DDX11: variants seen among roughly 807,000 people sequenced by gnomAD.
DDX11 encodes the protein ATP-dependent DNA helicase DDX11.
A neutral mutation model predicts 125.2 loss-of-function variants in DDX11; 72 were observed. The ratio of observed to expected loss-of-function variants is 0.58; its 90% CI spans 0.48 to 0.70. The LOEUF is 0.70. DDX11 is among the 30% of genes least tolerant of loss of function. DDX11 has a pLI of 0.00. For synonymous variants in DDX11, 347 were observed against 452.6 expected, an observed-to-expected ratio of 0.77 and a Z score of 2.96; for missense variants, 883 against 1,165.0, an observed-to-expected ratio of 0.76 and a Z score of 3.52.
chr12:31,085,312 C>T (rs543705615), intron 5 of DDX11, among the ~76,000 whole-genome samples, 186 bp downstream of exon 5: 8 of 152,378 alleles, frequency 5.3e-5, no homozygotes, highest in African/African-American at 1.9e-4. Flanking sequence ...AGTCACCGGC[C>T]TGGCCTGTGT....
rs1945610296 is a variant in DDX11, at chr12:31,097,948, TG to T, written c.1828del (p.Val610Ter). Reference protein sequence around the residue: ...LLNPAVHFAQVVKECRAVVIA... With the variant: ...LLNPAVHFAQXVKECRAVVIA... ...AATCCAGCTGTGCACTTTGCCCAAG[TG>T]GTGAAGGAATGCCGGGCAGTGGTCA... On this transcript the variant is annotated frameshift_variant, in exon 18 of 27. Transcript: ENST00000542838. LOFTEE classifies it high-confidence loss of function. The T allele has an allele frequency of 6.2e-7, 1 of 1,613,622 alleles. No individual in the cohort carries two copies. The highest frequency in any genetic ancestry group is 1.3e-5 in the African/African-American group (1 of 74,812).
Position 31,083,932 on chromosome 12 carries a change from A to G in DDX11, c.264A>G (p.Lys88=), listed in dbSNP as rs1942521833. The part of the protein sequence containing the change: ...ETGTGPLHDE[K]DESLCLSSSC... Reference sequence around the variant, plus strand: ...GAACTGGCCCCTTACATGATGAGAAAGATGAATCCCTGTGTCTGTCTTCTT... The same window carrying G: ...GAACTGGCCCCTTACATGATGAGAAGGATGAATCCCTGTGTCTGTCTTCTT... The change falls in exon 3 of 27, where the codon AAA becomes AAG. Residue 88 remains lysine, a synonymous_variant. Transcript: ENST00000542838. The G allele has an allele frequency of 6.2e-7, 1 of 1,613,856 alleles. No homozygotes were observed. The highest frequency in any genetic ancestry group is 8.5e-7 in the Non-Finnish European group (1 of 1,179,884).
rs1178036637 is a variant in DDX11, at chr12:31,104,316, C to T, written c.*480C>T. The stretch of plus-strand genomic sequence containing the variant: ...TAAAATGATCCATGGCCACAGGGCT[C>T]CTGCCCAGGGGCTTGTCACCTTCCC... On this transcript the variant is annotated 3_prime_UTR_variant, in exon 27 of 27. Coordinates refer to ENST00000542838, the MANE Select transcript of DDX11 (RefSeq NM_030653.4). 2.3e-6 allele frequency: 1 copy of T among 441,920 alleles called. No homozygotes were observed. Among genetic ancestry groups the T allele is most frequent in the Non-Finnish European group, 4.0e-6 (1 of 252,154 alleles). 27.4% of individuals were successfully genotyped at this position (441,920 alleles called of 1,614,324 possible).
chr12:31,102,102 T>A, intron 21 of DDX11, 120 bp downstream of exon 21: 3 of 1,332,772 alleles, frequency 2.3e-6, no homozygotes, highest in Non-Finnish European at 3.1e-6. Context: ...CCGCTCCCAG[T>A]CCCTGACTAC....
rs1470612930 is a variant in DDX11 at position 31,103,506 on chromosome 12, G to T, written c.2537-71G>T. The T allele has an allele frequency of 6.2e-6, 10 of 1,610,592 alleles. No homozygotes were observed. In the Admixed American group the frequency reaches 1.5e-4, roughly 24 times the overall value. On this transcript the variant is annotated intron_variant, in intron 25 of 26. Transcript: ENST00000542838. ...TATATAAGTCTGAGGAAGGGGAGGG[G>T]GTCGCCGTGGGAATGTGCTGTAGGG...
intron 20 of DDX11, chr12:31,101,544 C>T: frequency 3.9e-6 from 2 of 513,588 alleles, no homozygotes; most frequent in East Asian, 3.7e-5. Flanking sequence ...GGACCCTGGA[C>T]AGAAGAAGGG....
At chr12:31,103,267 G>A in intron 24 of DDX11, 50 bp from the exon 25 acceptor site, 4 of 1,590,914 alleles carry the variant, frequency 2.5e-6, no homozygotes, top group Non-Finnish European at 3.4e-6. Context: ...TTTCCCAGGG[G>A]GAGCTGCAGG....
chr12:31,101,012 C>T lies in DDX11; in HGVS notation c.1949-15C>T. Reference sequence around the variant, plus strand: ...CTGCATCTCCAGTTTTCGGCCCCTCCCTGGCTCTTACCAGGTCACGTGATC... The same window carrying T: ...CTGCATCTCCAGTTTTCGGCCCCTCTCTGGCTCTTACCAGGTCACGTGATC... On this transcript the variant is annotated splice_polypyrimidine_tract_variant and intron_variant, in intron 19 of 26. Coordinates refer to ENST00000542838, the MANE Select transcript of DDX11 (RefSeq NM_030653.4). The T allele has an allele frequency of 6.2e-7, 1 of 1,610,262 alleles. No individual in the cohort carries two copies.
intron 5 of DDX11, 66 bp from the exon 6 acceptor site, chr12:31,087,872 A>G (rs1439626842): frequency 2.6e-6 from 4 of 1,561,564 alleles, no homozygotes; most frequent in South Asian, 1.2e-5. Context: ...CGCTCAGCAG[A>G]TGCTCAGTGC....
intron 6 of DDX11, 121 bp downstream of exon 6, chr12:31,088,104 C>G: frequency 6.9e-7 from 1 of 1,459,822 alleles, no homozygotes; most frequent in South Asian, 1.2e-5. Flanking sequence ...GGAGGAGCTT[C>G]CAGCACTTGG....
intron 5 of DDX11, among the ~76,000 whole-genome samples, chr12:31,086,508 C>T (rs1229356050): frequency 6.6e-6 from 1 of 151,992 alleles, no homozygotes; most frequent in African/African-American, 2.4e-5. Context: ...CACCGTGTTG[C>T]TTTATGCCTC....
intron 1 of DDX11, among the ~76,000 whole-genome samples, chr12:31,077,406 C>A (rs550665203): frequency 1.3e-5 from 2 of 152,084 alleles, no homozygotes; most frequent in East Asian, 3.9e-4. Flanking sequence ...GCCAGAGCCC[C>A]GTGGCTGTGA....
chr12:31,094,548 C>T, intron 12 of DDX11, 42 bp from the exon 13 acceptor site: 1 of 1,509,684 alleles, frequency 6.6e-7, no homozygotes, highest in Non-Finnish European at 9.0e-7. Context: ...GTTGGGGGTC[C>T]TGAGAACCAG....
At chr12:31,074,686 C>CA (rs1383369271) in intron 1 of DDX11, among the ~76,000 whole-genome samples, 2 of 152,222 alleles carry the variant, frequency 1.3e-5, no homozygotes, top group African/African-American at 4.8e-5. Flanking sequence ...GGCCATCCTC[C>CA]AGCTGGTGGA....
rs551866821 is a variant in DDX11 at position 31,086,028 on chromosome 12, G to A, written c.638+902G>A. ...GGCCTTCACAGTCTGTCTGCAGGGCGCCTTCTGATGCCACCTCCAGCCGCC... is the reference window on the plus strand; with the variant it reads ...GGCCTTCACAGTCTGTCTGCAGGGCACCTTCTGATGCCACCTCCAGCCGCC... On this transcript the variant is annotated intron_variant, in intron 5 of 26. Transcript: ENST00000542838. The A allele has an allele frequency of 1.8e-5, 8 of 454,352 alleles. No individual in the cohort carries two copies. In the East Asian group the frequency reaches 3.5e-4, roughly 20 times the overall value. 28.1% of individuals were successfully genotyped at this position (454,352 alleles called of 1,614,324 possible).
rs550786491 is a variant in DDX11, at chr12:31,101,347, T to C, written c.2052+217T>C. The C allele has an allele frequency of 8.3e-6, 5 of 600,520 alleles. No individual in the cohort carries two copies. In the East Asian group the frequency reaches 1.1e-4, roughly 14 times the overall value. 37.2% of individuals were successfully genotyped at this position (600,520 alleles called of 1,614,324 possible). On this transcript the variant is annotated intron_variant, in intron 20 of 26. Transcript: ENST00000542838. Reference sequence around the variant, plus strand: ...CCCTCACGCCTTAGGCTGCGAAATATGTATTCATAAAACCTCCAGGCATCC... The same window carrying C: ...CCCTCACGCCTTAGGCTGCGAAATACGTATTCATAAAACCTCCAGGCATCC...
At chr12:31,083,321 A>AAAAAC (rs1277360219) in intron 2 of DDX11, among the ~76,000 whole-genome samples, 1 of 147,266 alleles carries the variant, frequency 6.8e-6, no homozygotes. Flanking sequence ...TTAAAAAAAA[A>AAAAAC]AAAACAAAAC....
intron 18 of DDX11, among the ~76,000 whole-genome samples, chr12:31,099,627 T>G (rs2140985813): frequency 6.6e-6 from 1 of 151,462 alleles, no homozygotes; most frequent in Non-Finnish European, 1.5e-5. Flanking sequence ...GGCTCTAAAG[T>G]CACGTGGAAC....
intron 4 of DDX11, 82 bp from the exon 5 acceptor site, chr12:31,084,887 T>A: frequency 1.3e-6 from 2 of 1,525,056 alleles, no homozygotes; most frequent in Admixed American, 1.9e-5. Flanking sequence ...GGGCGTGGTG[T>A]GCTTTGTCTC....
Sources: gnomAD v4.1 joint callset for allele counts (sites outside exome capture counted in the v4.1 genomes callset) on GRCh38, gnomAD v4.1.1 for gene constraint, MANE v1.5 for transcripts, NCBI Gene and HGNC (gene_info 2026-07-23, HGNC 2026-07-21) for gene names.